SANBR: variants seen among roughly 807,000 people sequenced by gnomAD.
SANBR encodes SANT and BTB domain regulator of CSR, also known as SANT and BTB domain regulator of class switch recombination.
Under a neutral mutation model 101.8 loss-of-function variants are expected in SANBR, and 77 were observed. The ratio of observed to expected loss-of-function variants is 0.76; its 90% CI spans 0.63 to 0.91. SANBR has a LOEUF of 0.91. SANBR is among the 40% of genes least tolerant of loss of function. SANBR has a pLI of 0.00. For missense variants in SANBR, 875 were observed against 853.0 expected (o/e 1.03, Z -0.32); for synonymous variants, 279 against 274.7 (o/e 1.02, Z -0.15).
At chr2:61,081,197 A>G (rs1184156226) in intron 6 of SANBR, among the ~76,000 whole-genome samples, 1 of 152,100 alleles carries the variant, frequency 6.6e-6, no homozygotes, top group African/African-American at 2.4e-5. Context: ...AAGATTACAT[A>G]TGTGATATCT....
At chr2:61,086,695 GA>G (rs1040536970) in intron 8 of SANBR, among the ~76,000 whole-genome samples, 1 of 152,286 alleles carries the variant, frequency 6.6e-6, no homozygotes. Flanking sequence ...CATGACTGCT[GA>G]AAAAATTAGC....
Position 61,077,080 on chromosome 2 carries a change from G to A in SANBR, c.592G>A (p.Val198Ile), listed in dbSNP as rs765784847. The A allele has an allele frequency of 5.3e-5, 86 of 1,613,954 alleles. No homozygotes were observed. The highest frequency in any genetic ancestry group is 8.9e-5 in the East Asian group (4 of 44,890). Residue 198 changes from valine to isoleucine, a missense_variant, in exon 6 of 22, where the codon GTT becomes ATT. By Grantham distance (29) the Val-to-Ile change is conservative. Coordinates refer to ENST00000402291, the MANE Select transcript of SANBR (RefSeq NM_001129993.3). Reference protein sequence around the residue: ...EEVDISVHCDVHIFNWLIKYI... With the variant: ...EEVDISVHCDIHIFNWLIKYI... ...GGTGGACATTTCAGTTCATTGCGACGTTCACATTTTCAACTGGTTGATAAA... is the reference window on the plus strand; with the variant it reads ...GGTGGACATTTCAGTTCATTGCGACATTCACATTTTCAACTGGTTGATAAA...
intron 2 of SANBR, 123 bp from the exon 3 acceptor site, chr2:61,070,219 G>C (rs905920089): frequency 3.1e-6 from 2 of 641,878 alleles, no homozygotes; most frequent in Admixed American, 7.8e-5. Flanking sequence ...TTTTAGGTCA[G>C]TTTTACTTTT....
At chr2:61,104,209 GC>G (rs1327305016) in intron 13 of SANBR, among the ~76,000 whole-genome samples, 8 of 152,138 alleles carry the variant, frequency 5.3e-5, no homozygotes, top group Admixed American at 1.3e-4. Context: ...GTGGCTGGGC[GC>G]GGTGGCTCAC....
At position 61,077,639 on chromosome 2, in the gene SANBR, G is replaced by T. The variant is rs567433274; in HGVS notation, c.670+481G>T. Among the ~76,000 whole-genome samples the T allele has an allele frequency of 9.9e-5, 15 of 151,938 alleles. No homozygotes were observed. In the South Asian group the frequency reaches 3.1e-3, roughly 32 times the overall value. The stretch of plus-strand genomic sequence containing the variant: ...CTAGTTTCACTTAAGAATGTCCTTG[G>T]TAAAGCAGTAAAAATTACTAATTTT... On this transcript the variant is annotated intron_variant, in intron 6 of 21. Transcript: ENST00000402291.
At position 61,084,643 on chromosome 2, in the gene SANBR, G is replaced by C. The variant is rs116867298; in HGVS notation, c.890+1329G>C. ...GTCAGCAGTGGTTATATCATTTAAGGGTTGTTTAGGTCATAGCAAGGAGGA... is the reference window on the plus strand; with the variant it reads ...GTCAGCAGTGGTTATATCATTTAAGCGTTGTTTAGGTCATAGCAAGGAGGA... On this transcript the variant is annotated intron_variant, in intron 8 of 21. Coordinates refer to ENST00000402291, the MANE Select transcript of SANBR (RefSeq NM_001129993.3). 1.1e-3 allele frequency among the ~76,000 whole-genome samples: 171 copies of C among 152,242 alleles called. 5 individuals carry two copies. The East Asian group carries it at 0.03, about 27-fold the overall frequency.
chr2:61,103,789 A>G (rs1683405838), intron 12 of SANBR, 64 bp from the exon 13 acceptor site: 1 of 1,448,992 alleles, frequency 6.9e-7, no homozygotes, highest in Admixed American at 2.0e-5. Context: ...AAAGAAAAAC[A>G]GTGATCTTTA....
At position 61,122,191 on chromosome 2, in the gene SANBR, G is replaced by A. The variant is rs1297496422; in HGVS notation, c.*29G>A. The A allele has an allele frequency of 6.5e-7, 1 of 1,546,658 alleles. No individual in the cohort carries two copies. The highest frequency in any genetic ancestry group is 8.7e-7 in the Non-Finnish European group (1 of 1,144,424). On this transcript the variant is annotated 3_prime_UTR_variant, in exon 22 of 22. Transcript: ENST00000402291. The stretch of plus-strand genomic sequence containing the variant: ...ACCTTAAAATATAAGTAAAAAGAGA[G>A]AAGGCACTCTTCTGGACATCTGAAA...
chr2:61,117,751 T>G (rs1684143951), intron 19 of SANBR, among the ~76,000 whole-genome samples: 1 of 152,226 alleles, frequency 6.6e-6, no homozygotes, highest in Non-Finnish European at 1.5e-5. Context: ...GGTTTTGAGA[T>G]CATTCACATT....
At chr2:61,130,996 C>A (rs949968072) in intron 20 of SANBR, among the ~76,000 whole-genome samples, 3 of 132,192 alleles carry the variant, frequency 2.3e-5, no homozygotes, top group Non-Finnish European at 4.8e-5. Context: ...AAAAAGCAAT[C>A]GACAAGCCCA....
chr2:61,122,926 A>G lies in SANBR; in HGVS notation c.*764A>G. 1.0e-6 allele frequency: 1 copy of G among 985,424 alleles called. No individual in the cohort carries two copies. The highest frequency in any genetic ancestry group is 6.1e-5 in the Admixed American group (1 of 16,288). The allele number at this position is 985,424 out of a possible 1,614,324, so 61.0% of individuals were successfully genotyped here. The stretch of plus-strand genomic sequence containing the variant: ...TTTAGGATAGTAAATCATTTCTGTT[A>G]TATGAGACACCCACTGTACAGTTCT... On this transcript the variant is annotated 3_prime_UTR_variant, in exon 22 of 22. Coordinates refer to ENST00000402291, the MANE Select transcript of SANBR (RefSeq NM_001129993.3).
intron 3 of SANBR, among the ~76,000 whole-genome samples, 181 bp downstream of exon 3, chr2:61,070,681 A>G (rs1274938455): frequency 7.1e-6 from 1 of 140,762 alleles, no homozygotes; most frequent in Non-Finnish European, 1.5e-5. Flanking sequence ...TATATTATAT[A>G]TAGTATATAA....
chr2:61,095,024 A>G (rs1360452599), intron 11 of SANBR, among the ~76,000 whole-genome samples: 1 of 152,178 alleles, frequency 6.6e-6, no homozygotes, highest in South Asian at 2.1e-4. Context: ...ATAGTTTTCC[A>G]AAGTCCCGGA....
chr2:61,098,854 A>G (rs1444592881), intron 12 of SANBR, among the ~76,000 whole-genome samples: 1 of 152,240 alleles, frequency 6.6e-6, no homozygotes, highest in Non-Finnish European at 1.5e-5. Context: ...CCTTTATGGA[A>G]CTTACAGCTG....
chr2:61,094,308 C>G (rs1415150577), intron 11 of SANBR, among the ~76,000 whole-genome samples: 1 of 152,200 alleles, frequency 6.6e-6, no homozygotes, highest in Non-Finnish European at 1.5e-5. Context: ...CCTCTGGTAA[C>G]CACTGGTCTG....
intron 17 of SANBR, 92 bp from the exon 18 acceptor site, chr2:61,117,265 C>G: frequency 8.4e-7 from 1 of 1,195,390 alleles, no homozygotes; most frequent in Non-Finnish European, 1.2e-6. Flanking sequence ...TGTCTTCACA[C>G]TCAGTAAGAG....
chr2:61,125,535 T>C (rs1054482938), downstream of SANBR, among the ~76,000 whole-genome samples: 5 of 152,242 alleles, frequency 3.3e-5, no homozygotes, highest in Admixed American at 6.5e-5. Context: ...TAGGGAGCTA[T>C]GCTGTTTTCA....
intron 7 of SANBR, 117 bp from the exon 8 acceptor site, chr2:61,083,037 G>C: frequency 1.2e-6 from 1 of 802,098 alleles, no homozygotes; most frequent in Non-Finnish European, 2.0e-6. Flanking sequence ...GCAAAACCCA[G>C]TTAGTGCCTA....
chr2:61,074,724 CTGAT>C (rs1408803556), intron 5 of SANBR, among the ~76,000 whole-genome samples: 1 of 151,972 alleles, frequency 6.6e-6, no homozygotes, highest in Non-Finnish European at 1.5e-5. Flanking sequence ...AGGTTTTTAA[CTGAT>C]TGGTTGGTTT....
Sources: allele counts gnomAD v4.1 joint callset (sites outside exome capture counted in the v4.1 genomes callset), GRCh38; gene constraint gnomAD v4.1.1; transcripts MANE v1.5; gene names NCBI Gene and HGNC (gene_info 2026-07-23, HGNC 2026-07-21).